The following ZDHHC23 variants were observed in gnomAD, a reference collection of about 807,000 sequenced individuals.
ZDHHC23 encodes the protein palmitoyltransferase ZDHHC23.
Under a neutral mutation model 40.2 loss-of-function variants are expected in ZDHHC23, and 41 were observed. The ratio of observed to expected loss-of-function variants is 1.02; its 90% CI spans 0.79 to 1.32. The LOEUF is 1.32. Ranked by LOEUF, ZDHHC23 falls within the 40% of genes most tolerant of loss-of-function variation. The pLI, the probability that ZDHHC23 is intolerant of heterozygous loss-of-function variation, is 0.00. For synonymous variants in ZDHHC23, 204 were observed against 210.2 expected, an observed-to-expected ratio of 0.97 and a Z score of 0.26; for missense variants, 471 against 541.5, an observed-to-expected ratio of 0.87 and a Z score of 1.29.
intron 4 of ZDHHC23, chr3:113,957,638 T>C (rs1280871102): frequency 2.2e-6 from 1 of 461,216 alleles, no homozygotes; most frequent in Non-Finnish European, 4.4e-6. Context: ...GATTTAATAG[T>C]CTTTGAGGTC....
At position 113,960,719 on chromosome 3, in the gene ZDHHC23, G is replaced by C. The variant is rs754616975; in HGVS notation, c.*2089G>C. ...TTTTTTTAACAACTTACCTCTAATA[G>C]GGTTACTTGGATGAGCCAACTCCGC... is the stretch of plus-strand genomic sequence containing the variant. On this transcript the variant is annotated 3_prime_UTR_variant, in exon 5 of 5. Transcript: ENST00000638807. The C allele has an allele frequency of 9.4e-6, 15 of 1,593,268 alleles. No individual in the cohort carries two copies.
chr3:113,953,717 C>G lies in ZDHHC23; in HGVS notation c.179C>G (p.Ser60Cys). 1 of 1,613,364 alleles carries G rather than the reference C, an allele frequency of 6.2e-7. No homozygotes were observed. Among genetic ancestry groups the G allele is most frequent in the Non-Finnish European group, 8.5e-7 (1 of 1,179,576 alleles). The change falls in exon 3 of 5, where the codon TCT (serine) becomes TGT (cysteine). Residue 60 changes from serine to cysteine, a missense_variant. This residue lies in a region of ZDHHC23 where 42 missense variants were observed against 73.9 expected (regional missense o/e 0.57). Coordinates refer to ENST00000638807, the MANE Select transcript of ZDHHC23 (RefSeq NM_001320466.2). ...EGCDRWITCK[S>C]LQPETCERIM... ...CTGAATAGATGGATTACATGTAAATCTTTACAGCCAGAGACTTGTGAAAGA... is the reference window on the plus strand; with the variant it reads ...CTGAATAGATGGATTACATGTAAATGTTTACAGCCAGAGACTTGTGAAAGA...
the ZDHHC23 span, among the ~76,000 whole-genome samples, chr3:113,974,054 A>G: frequency 1.3e-5 from 2 of 151,694 alleles, no homozygotes; most frequent in Non-Finnish European, 2.9e-5. Flanking sequence ...TGCTTGATCC[A>G]TTTGGCTGTT....
At chr3:113,978,125 A>G in the ZDHHC23 span, 6 of 1,580,240 alleles carry the variant, frequency 3.8e-6, no homozygotes, top group Non-Finnish European at 5.2e-6. Context: ...GTAGGAGCAG[A>G]ATATATTGCT....
downstream of ZDHHC23, among the ~76,000 whole-genome samples, chr3:113,969,680 GTTCTCTA>G (rs1316347950): frequency 6.6e-6 from 1 of 152,026 alleles, no homozygotes. Context: ...TTAAATCTGG[GTTCTCTA>G]TTCTATTTCA....
At position 113,953,686 on chromosome 3, in the gene ZDHHC23, C is replaced by T. The variant is rs1057117688; in HGVS notation, c.162-14C>T. On this transcript the variant is annotated splice_polypyrimidine_tract_variant and intron_variant, in intron 2 of 4. Transcript: ENST00000638807. ...CCACATGAAGTCCCTCCTCTTTGTG[C>T]TTTTTCTGAATAGATGGATTACATG... 2.5e-6 allele frequency: 4 copies of T among 1,598,632 alleles called. No individual in the cohort carries two copies. In the African/African-American group the frequency reaches 4.0e-5, roughly 16 times the overall value.
chr3:113,974,324 G>GTTT, the ZDHHC23 span, among the ~76,000 whole-genome samples: 159 of 141,380 alleles, frequency 1.1e-3, no homozygotes, highest in African/African-American at 3.7e-3. Context: ...GCTGTTTTTT[G>GTTT]TTTTTTTTTT....
intron 1 of ZDHHC23, 30 bp from the exon 2 acceptor site, chr3:113,948,656 C>A (rs1938358006): frequency 3.3e-6 from 3 of 915,096 alleles, no homozygotes; most frequent in South Asian, 3.7e-5. Flanking sequence ...GACCCCCTCC[C>A]CCTCTCTCTT....
downstream of ZDHHC23, among the ~76,000 whole-genome samples, chr3:113,968,756 G>C (rs1471160435): frequency 6.6e-6 from 1 of 151,962 alleles, no homozygotes; most frequent in Non-Finnish European, 1.5e-5. Context: ...CACTATAATG[G>C]ACTTGCCCAT....
chr3:113,965,158 T>C (rs1939986977), downstream of ZDHHC23: 1 of 1,593,508 alleles, frequency 6.3e-7, no homozygotes. Context: ...ATCTGGCTCA[T>C]TCGTTCACCA....
In ZDHHC23 at chr3:113,948,541, G is replaced by GA. The variant is rs1938341670; in HGVS notation, c.-117-145_-117-144insA. ...CATAGGAACGGCTGGTGCCCAGACGGCGCCTGCCCAGGCTGGGAAGGGGCG... is the reference window on the plus strand; with the variant it reads ...CATAGGAACGGCTGGTGCCCAGACGGACGCCTGCCCAGGCTGGGAAGGGGCG... On this transcript the variant is annotated intron_variant, in intron 1 of 4. Coordinates refer to ENST00000638807, the MANE Select transcript of ZDHHC23 (RefSeq NM_001320466.2). The GA allele has an allele frequency of 1.1e-5, 4 of 380,768 alleles. 1 individual carries two copies. In the South Asian group the frequency reaches 1.9e-4, roughly 19 times the overall value. 23.6% of individuals were successfully genotyped at this position (380,768 alleles called of 1,614,324 possible).
chr3:113,963,637 G>C (rs549816895), downstream of ZDHHC23, among the ~76,000 whole-genome samples: 1 of 150,276 alleles, frequency 6.7e-6, no homozygotes, highest in Non-Finnish European at 1.5e-5. Context: ...CTGAGAGGCT[G>C]AGGTGGGAGG....
At chr3:113,951,639 G>C (rs1559841256) in intron 2 of ZDHHC23, among the ~76,000 whole-genome samples, 1 of 152,170 alleles carries the variant, frequency 6.6e-6, no homozygotes, top group Non-Finnish European at 1.5e-5. Flanking sequence ...TTTGTGGTGG[G>C]AGCAGCAGCC....
At chr3:113,964,345 G>T (rs1209562169), downstream of ZDHHC23, 1 of 152,288 alleles carries the variant, frequency 6.6e-6, no homozygotes. Context: ...ATAGAAGAGA[G>T]CATTTTATCA....
chr3:113,960,712 T>G lies in ZDHHC23; in HGVS notation c.*2082T>G. The G allele has an allele frequency of 6.3e-7, 1 of 1,598,302 alleles. No individual in the cohort carries two copies. Among genetic ancestry groups the G allele is most frequent in the Non-Finnish European group, 8.5e-7 (1 of 1,174,616 alleles). On this transcript the variant is annotated 3_prime_UTR_variant, in exon 5 of 5. Transcript: ENST00000638807. ...TGACAATTTTTTTTAACAACTTACC[T>G]CTAATAGGGTTACTTGGATGAGCCA...
the ZDHHC23 span, among the ~76,000 whole-genome samples, chr3:113,972,695 G>A: frequency 6.6e-6 from 1 of 152,092 alleles, no homozygotes; most frequent in Non-Finnish European, 1.5e-5. Context: ...TTGTATTGCA[G>A]TTATCTCTCC....
At chr3:113,979,019 T>C in the ZDHHC23 span, 6 of 1,610,938 alleles carry the variant, frequency 3.7e-6, no homozygotes, top group South Asian at 1.1e-5. Context: ...ACCTGGACAA[T>C]TTTTTAAATG....
Position 113,958,547 on chromosome 3 carries a change from A to C in ZDHHC23, c.1225A>C (p.Asn409His). 3 of 1,612,726 alleles carry C rather than the reference A, an allele frequency of 1.9e-6. No individual in the cohort carries two copies. ...CGLIVDTGQY[N>H]RGFLRNWHQF... ...GCTCATCGTGGACACAGGCCAGTAC[A>C]ATAGGGGCTTCCTGCGGAACTGGCA... The change falls in exon 5 of 5, where the codon AAT becomes CAT. Residue 409 changes from asparagine (N) to histidine (H), a missense_variant. Physicochemically the swap from Asn to His is moderately conservative, Grantham distance 68. Transcript: ENST00000638807.
At position 113,958,546 on chromosome 3, in the gene ZDHHC23, C is replaced by A. The variant is rs1421595097; in HGVS notation, c.1224C>A (p.Tyr408Ter). Residue 408 changes from tyrosine to a stop codon, truncating the protein, a stop_gained, in exon 5 of 5, where the codon TAC becomes TAA. Transcript: ENST00000638807. LOFTEE classifies it high-confidence loss of function. ...LCGLIVDTGQ[Y>*]NRGFLRNWHQ... ...GGCTCATCGTGGACACAGGCCAGTA[C>A]AATAGGGGCTTCCTGCGGAACTGGC... The A allele has an allele frequency of 6.2e-7, 1 of 1,612,776 alleles. No homozygotes were observed.
Sources: allele counts gnomAD v4.1 joint callset (sites outside exome capture counted in the v4.1 genomes callset), GRCh38; gene constraint gnomAD v4.1.1; regional missense constraint gnomAD v4.1.1; transcripts MANE v1.5; gene names NCBI Gene and HGNC (gene_info 2026-07-23, HGNC 2026-07-21).